Variants in VEZF1 observed in about 807,000 individuals in gnomAD.
VEZF1 encodes putative transcription factor DB1.
In VEZF1, 5 loss-of-function variants were observed where a neutral mutation model predicts 44.1. The observed-to-expected ratio is 0.11, with a 90% CI of 0.06 to 0.24. VEZF1 has a LOEUF of 0.24. Among genes scored for constraint, VEZF1 ranks in the 10% least tolerant of loss-of-function variants. The probability of loss-of-function intolerance (pLI) is 1.00; values close to 1 mark genes in which losing one functional copy is unlikely to be tolerated. For missense variants in VEZF1, 358 were observed against 641.8 expected (o/e 0.56, Z 4.78); for synonymous variants, 236 against 233.1 (o/e 1.01, Z -0.11).
intron 4 of VEZF1, among the ~76,000 whole-genome samples, chr17:57,979,740 G>C (rs960181653): frequency 1.3e-5 from 2 of 151,972 alleles, no homozygotes; most frequent in African/African-American, 2.4e-5. Context: ...CAGGTGGACT[G>C]TCTGGGCTCA....
chr17:57,974,390 G>T lies in VEZF1; in HGVS notation c.*83C>A, dbSNP rs913005793. On this transcript the variant is annotated 3_prime_UTR_variant, in exon 6 of 6. Coordinates refer to ENST00000581208, the MANE Select transcript of VEZF1 (RefSeq NM_007146.3). ...TGTAATAAAATCTCCCAATTTCATG[G>T]TTTACTTTTTGCTTTAATCAACTAA... The T allele has an allele frequency of 4.0e-5, 57 of 1,429,344 alleles. No individual in the cohort carries two copies. The highest frequency in any genetic ancestry group is 4.9e-5 in the Non-Finnish European group (52 of 1,053,514). 88.5% of individuals were successfully genotyped at this position (1,429,344 alleles called of 1,614,324 possible). A position where few individuals can be genotyped will look rare whatever the true frequency, so the allele number is the denominator to read the frequency against.
intron 4 of VEZF1, among the ~76,000 whole-genome samples, chr17:57,979,814 A>G (rs1028227795): frequency 1.3e-5 from 2 of 152,046 alleles, no homozygotes; most frequent in Non-Finnish European, 2.9e-5. Context: ...CAAAAAAAGT[A>G]GCAAAGGTAA....
chr17:57,983,154 G>A lies in VEZF1; in HGVS notation c.273C>T (p.Arg91=), dbSNP rs1340319848. The A allele has an allele frequency of 1.9e-6, 3 of 1,614,134 alleles. No homozygotes were observed. Among genetic ancestry groups the A allele is most frequent in the Admixed American group, 3.3e-5 (2 of 60,024 alleles). The change falls in exon 2 of 6, where the codon CGC becomes CGT. Residue 91 remains arginine (R), a synonymous_variant. Coordinates refer to ENST00000581208, the MANE Select transcript of VEZF1 (RefSeq NM_007146.3). ...KAFRDSYHLR[R]HESCHTGIKL... ...TGATCCCTGTGTGGCAGGATTCGTG[G>A]CGCCTCAGGTGATAGCTGTCCCTGA...
rs761798330 is a variant in VEZF1, at chr17:57,974,756, A to G, written c.1283T>C (p.Val428Ala). Residue 428 changes from valine (V) to alanine (A), a missense_variant, in exon 6 of 6, where the codon GTA becomes GCA. Transcript: ENST00000581208. The part of the protein sequence containing the change: ...VAAAMSMRSP[V>A]NVSSAVNITS... ...TATGTTAACTGCACTTGAAACATTT[A>G]CTGGACTTCTCATGCTCATTGCAGC... 95 of 1,614,076 alleles carry G rather than the reference A, an allele frequency of 5.9e-5. No homozygotes were observed. The highest frequency in any genetic ancestry group is 7.9e-5 in the Non-Finnish European group (93 of 1,180,040).
chr17:57,974,991 T>C, intron 5 of VEZF1, 91 bp from the exon 6 acceptor site: 1 of 1,374,858 alleles, frequency 7.3e-7, no homozygotes, highest in African/African-American at 1.5e-5. Flanking sequence ...ATTAAAAATG[T>C]CAAACATTTA....
Position 57,974,913 on chromosome 17 carries a change from G to C in VEZF1, c.1139-13C>G. The C allele has an allele frequency of 6.3e-7, 1 of 1,591,938 alleles. No individual in the cohort carries two copies. The highest frequency in any genetic ancestry group is 8.6e-7 in the Non-Finnish European group (1 of 1,166,818). Reference sequence around the variant, plus strand: ...AGGTTAGCAGCTTCTAAAATAAGAAGAAAAAGGGTCTTTAGATTCTCAAAA... The same window carrying C: ...AGGTTAGCAGCTTCTAAAATAAGAACAAAAAGGGTCTTTAGATTCTCAAAA... On this transcript the variant is annotated splice_polypyrimidine_tract_variant and intron_variant, in intron 5 of 5. Transcript: ENST00000581208.
rs765119420 is a variant in VEZF1 at position 57,974,872 on chromosome 17, C to T, written c.1167G>A (p.Thr389=). ...KEAANLCQTS[T]AATTPVTLTT... ...TGAGAGTCACAGGTGTCGTAGCAGC[C>T]GTGGAGGTTTGGCACAGGTTAGCAG... Residue 389 remains threonine (T), a synonymous_variant, in exon 6 of 6, where the codon ACG becomes ACA. Transcript: ENST00000581208. 3.1e-6 allele frequency: 5 copies of T among 1,613,874 alleles called. No homozygotes were observed. The highest frequency in any genetic ancestry group is 1.7e-5 in the Admixed American group (1 of 60,002).
intron 1 of VEZF1, among the ~76,000 whole-genome samples, chr17:57,986,346 A>G (rs1055283596): frequency 4.6e-5 from 7 of 152,104 alleles, no homozygotes; most frequent in South Asian, 2.1e-4. Context: ...CATGCTTAAT[A>G]TGGTTTTTAA....
Position 57,973,913 on chromosome 17 carries a change from T to C in VEZF1, c.*560A>G, listed in dbSNP as rs2333076. ...ATCAGAGCTGGTATCACCTTTCCCA[T>C]AGGGAATGCTGCCTGAAATTAACAT... On this transcript the variant is annotated 3_prime_UTR_variant, in exon 6 of 6. Coordinates refer to ENST00000581208, the MANE Select transcript of VEZF1 (RefSeq NM_007146.3). 1 of 158,666 alleles carries C rather than the reference T, an allele frequency of 6.3e-6. No homozygotes were observed. Among genetic ancestry groups the C allele is most frequent in the South Asian group, 1.8e-4 (1 of 5,490 alleles). 9.8% of individuals were successfully genotyped at this position (158,666 alleles called of 1,614,324 possible).
At chr17:57,987,844 G>A (rs992729526) in intron 1 of VEZF1, among the ~76,000 whole-genome samples, 4 of 151,926 alleles carry the variant, frequency 2.6e-5, no homozygotes, top group Non-Finnish European at 5.9e-5. Flanking sequence ...TGTGTGCTGG[G>A]GGGCCCCCGG....
intron 1 of VEZF1, chr17:57,985,474 G>C: frequency 8.2e-7 from 1 of 1,214,384 alleles, no homozygotes; most frequent in Non-Finnish European, 1.0e-6. Flanking sequence ...CTCTGGGGGA[G>C]AGACAGAGTA....
chr17:57,978,860 C>T lies in VEZF1; in HGVS notation c.1138+292G>A, dbSNP rs570257557. The stretch of plus-strand genomic sequence containing the variant: ...TGACATCAAATTGAATATAAAAATG[C>T]AACTCTGAGCATAGCAAAGGACCAA... On this transcript the variant is annotated intron_variant, in intron 5 of 5. Coordinates refer to ENST00000581208, the MANE Select transcript of VEZF1 (RefSeq NM_007146.3). 2.3e-4 allele frequency among the ~76,000 whole-genome samples: 35 copies of T among 152,206 alleles called. 1 individual carries two copies. The South Asian group carries it at 6.8e-3, about 30-fold the overall frequency.
At chr17:57,977,426 C>A (rs2075202941) in intron 5 of VEZF1, among the ~76,000 whole-genome samples, 1 of 152,012 alleles carries the variant, frequency 6.6e-6, no homozygotes, top group Admixed American at 6.6e-5. Flanking sequence ...CACACCTGGC[C>A]AAAACATTTT....
Position 57,974,382 on chromosome 17 carries a change from A to G in VEZF1, c.*91T>C. ...TTAACTAATGTAATAAAATCTCCCA[A>G]TTTCATGGTTTACTTTTTGCTTTAA... On this transcript the variant is annotated 3_prime_UTR_variant, in exon 6 of 6. Coordinates refer to ENST00000581208, the MANE Select transcript of VEZF1 (RefSeq NM_007146.3). The G allele has an allele frequency of 7.2e-7, 1 of 1,397,074 alleles. No homozygotes were observed. The highest frequency in any genetic ancestry group is 9.7e-7 in the Non-Finnish European group (1 of 1,031,518). 86.5% of individuals were successfully genotyped at this position (1,397,074 alleles called of 1,614,324 possible). A position where few individuals can be genotyped will look rare whatever the true frequency, so the allele number is the denominator to read the frequency against.
chr17:57,983,643 C>T (rs1346348127), intron 1 of VEZF1, among the ~76,000 whole-genome samples: 1 of 152,182 alleles, frequency 6.6e-6, no homozygotes, highest in Non-Finnish European at 1.5e-5. Flanking sequence ...GCTGACTAAA[C>T]TACACACTAT....
At chr17:57,979,044 C>A in intron 5 of VEZF1, 108 bp downstream of exon 5, 1 of 1,394,678 alleles carries the variant, frequency 7.2e-7, no homozygotes, top group South Asian at 1.4e-5. Context: ...TCCATGTTTC[C>A]ATTAAGCTAG....
intron 1 of VEZF1, among the ~76,000 whole-genome samples, chr17:57,983,782 A>G (rs530743694): frequency 2.6e-4 from 39 of 152,372 alleles, no homozygotes; most frequent in South Asian, 1.0e-3. Flanking sequence ...ACCTTACTGC[A>G]GCAATACACA....
At chr17:57,987,056 T>A (rs2075301015) in intron 1 of VEZF1, among the ~76,000 whole-genome samples, 1 of 152,166 alleles carries the variant, frequency 6.6e-6, no homozygotes. Context: ...CCATCTAAAG[T>A]GGGCGGGCAA....
At chr17:57,978,134 C>T (rs1036402736) in intron 5 of VEZF1, among the ~76,000 whole-genome samples, 1 of 150,970 alleles carries the variant, frequency 6.6e-6, no homozygotes, top group Non-Finnish European at 1.5e-5. Flanking sequence ...ACCCAGGAGG[C>T]GGAGGCTGCA....
Sources: allele counts gnomAD v4.1 joint callset (sites outside exome capture counted in the v4.1 genomes callset), GRCh38; gene constraint gnomAD v4.1.1; transcripts MANE v1.5; gene names NCBI Gene and HGNC (gene_info 2026-07-23, HGNC 2026-07-21).